The following BCL11B variants were observed in gnomAD, a reference collection of about 807,000 sequenced individuals.
The protein encoded by BCL11B is B-cell lymphoma/leukemia 11B.
A neutral mutation model predicts 49.9 loss-of-function variants in BCL11B; 8 were observed. That is an observed-to-expected ratio of 0.16 (90% CI 0.09 to 0.29). BCL11B has a LOEUF of 0.29. BCL11B is among the 10% of genes least tolerant of loss of function. The pLI is 1.00. For synonymous variants in BCL11B, 739 were observed against 637.4 expected (o/e 1.16, Z -2.40); for missense variants, 1,006 against 1,351.0 (o/e 0.74, Z 4.00).
At chr14:99,258,487 C>T (rs1889241138) in intron 1 of BCL11B, among the ~76,000 whole-genome samples, 4 of 152,108 alleles carry the variant, frequency 2.6e-5, no homozygotes, top group Admixed American at 2.6e-4. Context: ...TGGCCACACA[C>T]CAAACTAGAA....
rs1160478994 is a variant in BCL11B, at chr14:99,247,894, GA to G, written c.427+9576del. Among the ~76,000 whole-genome samples the G allele has an allele frequency of 6.6e-6, 1 of 152,186 alleles. No individual in the cohort carries two copies. The highest frequency in any genetic ancestry group is 1.5e-5 in the Non-Finnish European group (1 of 68,034). ...CAGGCACTCAGCCCCCAGGGCAGGG[GA>G]TGGGGGGAAAACAGCCCTGATCAAA... On this transcript the variant is annotated intron_variant, in intron 2 of 3. Transcript: ENST00000357195. The surrounding 1 kb of genome is among the most constrained non-coding windows in gnomAD (Gnocchi z 4.5).
rs1410599680 is a variant in BCL11B, at chr14:99,228,788, C to T, written c.640+2557G>A. Among the ~76,000 whole-genome samples, 1 of 152,252 alleles carries T rather than the reference C, an allele frequency of 6.6e-6. No individual in the cohort carries two copies. Among genetic ancestry groups the T allele is most frequent in the Non-Finnish European group, 1.5e-5 (1 of 68,046 alleles). The stretch of plus-strand genomic sequence containing the variant: ...CCTTCCCCTTCTGCAGGTCCCCACT[C>T]CCTGTCCTCCCCACCACCAGACTGC... On this transcript the variant is annotated intron_variant, in intron 3 of 3. Transcript: ENST00000357195. The surrounding 1 kb of genome is among the most constrained non-coding windows in gnomAD (Gnocchi z 4.8).
chr14:99,258,989 T>C (rs1425738275), intron 1 of BCL11B, among the ~76,000 whole-genome samples: 1 of 132,720 alleles, frequency 7.5e-6, no homozygotes, highest in African/African-American at 2.7e-5. Context: ...AAGGGAAAAT[T>C]GGAAGACTCG....
chr14:99,186,856 C>G (rs761520353), intron 3 of BCL11B, among the ~76,000 whole-genome samples: 3 of 152,220 alleles, frequency 2.0e-5, no homozygotes, highest in Non-Finnish European at 4.4e-5. Flanking sequence ...ACCACCTTCC[C>G]AAGCTGCTTT....
intron 2 of BCL11B, among the ~76,000 whole-genome samples, chr14:99,237,631 CT>C (rs1385033415): frequency 1.3e-5 from 2 of 151,942 alleles, no homozygotes; most frequent in African/African-American, 4.8e-5. Context: ...CGGGTTTTGG[CT>C]TGGGGGTGAA....
intron 3 of BCL11B, among the ~76,000 whole-genome samples, chr14:99,209,996 T>C (rs956072800): frequency 1.3e-5 from 2 of 151,264 alleles, no homozygotes; most frequent in East Asian, 3.9e-4. Flanking sequence ...GCTGAGGAAA[T>C]GGTGTGAGGT....
In BCL11B at chr14:99,169,776, T is replaced by A. The variant is rs1021824141; in HGVS notation, c.*4375A>T. 9 of 225,568 alleles carry A rather than the reference T, an allele frequency of 4.0e-5. No homozygotes were observed. Among genetic ancestry groups the A allele is most frequent in the African/African-American group, 2.0e-4 (9 of 44,874 alleles). The allele number at this position is 225,568 out of a possible 1,614,324, so 14.0% of individuals were successfully genotyped here. A position where few individuals can be genotyped will look rare whatever the true frequency, so the allele number is the denominator to read the frequency against. On this transcript the variant is annotated 3_prime_UTR_variant, in exon 4 of 4. Coordinates refer to ENST00000357195, the MANE Select transcript of BCL11B (RefSeq NM_138576.4). ...TTCCACGAGACCTTCGGCTGACGGT[T>A]ACTTAGGACCGGGATGAAAGGCTGA...
rs990035838 is a variant in BCL11B at position 99,179,374 on chromosome 14, T to C, written c.641-3179A>G. ...CTATAATCCCAGCTACTCAGGAGGC[T>C]GAGGCAGGAGAATCGCTTGAACCCG... On this transcript the variant is annotated intron_variant, in intron 3 of 3. Coordinates refer to ENST00000357195, the MANE Select transcript of BCL11B (RefSeq NM_138576.4). 2.0e-5 allele frequency among the ~76,000 whole-genome samples: 3 copies of C among 147,722 alleles called. No individual in the cohort carries two copies. In the Admixed American group the frequency reaches 2.1e-4, roughly 10 times the overall value.
intron 3 of BCL11B, among the ~76,000 whole-genome samples, chr14:99,207,795 C>T (rs1262942980): frequency 6.6e-6 from 1 of 152,106 alleles, no homozygotes; most frequent in Non-Finnish European, 1.5e-5. Flanking sequence ...CACCCAGGAG[C>T]CCAGTGGAGC....
intron 2 of BCL11B, among the ~76,000 whole-genome samples, chr14:99,246,797 G>A (rs1888856402): frequency 1.3e-5 from 2 of 152,130 alleles, no homozygotes; most frequent in Admixed American, 6.5e-5. Flanking sequence ...GCTCGGGATA[G>A]GCACCGTCGC....
chr14:99,227,235 C>T (rs957871277), intron 3 of BCL11B, among the ~76,000 whole-genome samples: 2 of 152,172 alleles, frequency 1.3e-5, no homozygotes, highest in African/African-American at 2.4e-5. Flanking sequence ...GTCTCAATGT[C>T]GTGAATCCCA....
At chr14:99,256,782 T>C (rs1468949055) in intron 2 of BCL11B, among the ~76,000 whole-genome samples, 2 of 152,112 alleles carry the variant, frequency 1.3e-5, no homozygotes, top group Non-Finnish European at 2.9e-5. Context: ...TGAGTGAGCA[T>C]GTCAAAGGGC....
At chr14:99,222,251 C>T (rs955036809) in intron 3 of BCL11B, among the ~76,000 whole-genome samples, 1 of 108,172 alleles carries the variant, frequency 9.2e-6, no homozygotes, top group Non-Finnish European at 2.0e-5. Context: ...TCTTTCGCTC[C>T]CCAGTGGGGG....
In BCL11B at chr14:99,247,827, G is replaced by C. The variant is rs536337707; in HGVS notation, c.427+9644C>G. On this transcript the variant is annotated intron_variant, in intron 2 of 3. Transcript: ENST00000357195. The surrounding 1 kb of genome is among the most constrained non-coding windows in gnomAD (Gnocchi z 4.5). ...CGCACCTGTTTGCCTGCACCTTTGA[G>C]GTTGTGTCCACACCCGCAACCTGAA... is the stretch of plus-strand genomic sequence containing the variant. Among the ~76,000 whole-genome samples, 30 of 152,310 alleles carry C rather than the reference G, an allele frequency of 2.0e-4. No homozygotes were observed. The highest frequency in any genetic ancestry group is 6.5e-4 in the African/African-American group (27 of 41,572).
At chr14:99,207,953 C>A in intron 3 of BCL11B, among the ~76,000 whole-genome samples, 1 of 152,210 alleles carries the variant, frequency 6.6e-6, no homozygotes, top group Non-Finnish European at 1.5e-5. Flanking sequence ...GAGTCTCCAT[C>A]TCCCCACACC....
intron 3 of BCL11B, among the ~76,000 whole-genome samples, chr14:99,212,552 T>G (rs893994282): frequency 1.5e-4 from 23 of 152,118 alleles, no homozygotes; most frequent in Non-Finnish European, 1.3e-4. Context: ...GCTCACAGCC[T>G]GGTCTCCCAG....
Position 99,173,658 on chromosome 14 carries a change from T to C in BCL11B, c.*493A>G, listed in dbSNP as rs1457671249. The stretch of plus-strand genomic sequence containing the variant: ...AAAAGTAAACAACTTTAAAAGTCAT[T>C]TGAGTGTTGGCTTCTTCACAAGAAA... On this transcript the variant is annotated 3_prime_UTR_variant, in exon 4 of 4. Transcript: ENST00000357195. 1 of 225,264 alleles carries C rather than the reference T, an allele frequency of 4.4e-6. No homozygotes were observed. The allele number at this position is 225,264 out of a possible 1,614,324, so 14.0% of individuals were successfully genotyped here. A position where few individuals can be genotyped will look rare whatever the true frequency, so the allele number is the denominator to read the frequency against.
intron 3 of BCL11B, among the ~76,000 whole-genome samples, chr14:99,211,965 T>TC (rs1214312817): frequency 1.3e-5 from 2 of 149,998 alleles, no homozygotes; most frequent in African/African-American, 4.9e-5. Context: ...CCATCCCCAC[T>TC]CCCCCCTCCA....
At chr14:99,271,042 C>T in intron 1 of BCL11B, 119 bp downstream of exon 1, 6 of 1,084,764 alleles carry the variant, frequency 5.5e-6, no homozygotes, top group Non-Finnish European at 7.5e-6. Context: ...GTAGACTCTG[C>T]CAGCCAGCGG....
Sources: gnomAD v4.1 joint callset for allele counts (sites outside exome capture counted in the v4.1 genomes callset) on GRCh38, gnomAD v4.1.1 for gene constraint, Gnocchi (gnomAD v3.1) non-coding constraint, MANE v1.5 for transcripts, NCBI Gene and HGNC (gene_info 2026-07-23, HGNC 2026-07-21) for gene names.